RORA: variants seen among roughly 807,000 people sequenced by gnomAD.
RORA encodes nuclear receptor ROR-alpha.
In RORA, 7 loss-of-function variants were observed where a neutral mutation model predicts 69.5. That is an observed-to-expected ratio of 0.10 (90% CI 0.06 to 0.19). The LOEUF (loss-of-function observed/expected upper bound fraction) is 0.19, where lower values mean the gene tolerates loss of function less well. Among genes scored for constraint, RORA ranks in the 10% least tolerant of loss-of-function variants. RORA has a pLI of 1.00. For synonymous variants in RORA, 261 were observed against 240.8 expected (o/e 1.08, Z -0.78); for missense variants, 457 against 663.0 (o/e 0.69, Z 3.41).
At chr15:60,871,900 C>T (rs1213476210) in intron 1 of RORA, among the ~76,000 whole-genome samples, 1 of 152,174 alleles carries the variant, frequency 6.6e-6, no homozygotes, top group Non-Finnish European at 1.5e-5. Context: ...TGAGTTTTGG[C>T]AAATGAATCA....
intron 1 of RORA, among the ~76,000 whole-genome samples, chr15:60,908,551 G>A (rs2899664): frequency 0.35 from 53,464 of 151,992 alleles, 9,679 homozygotes; most frequent in South Asian, 0.46. Context: ...GGAAGCTACA[G>A]TAAATGGAAA....
chr15:60,565,937 C>A (rs79869085), intron 2 of RORA, among the ~76,000 whole-genome samples: 1,838 of 152,262 alleles, frequency 0.012, 40 homozygotes, highest in African/African-American at 0.042. Context: ...TTCTTGCCCA[C>A]CTACACTCTT....
At chr15:60,656,475 T>G (rs1355254644) in intron 2 of RORA, among the ~76,000 whole-genome samples, 1 of 152,080 alleles carries the variant, frequency 6.6e-6, no homozygotes, top group Non-Finnish European at 1.5e-5. Context: ...AAGACAGGTA[T>G]GGATTAAAAA....
chr15:60,662,381 A>G (rs187044239), intron 2 of RORA, among the ~76,000 whole-genome samples: 12 of 152,366 alleles, frequency 7.9e-5, no homozygotes, highest in African/African-American at 1.4e-4. Context: ...ACAGTAGCAA[A>G]CTGTCAAAAT....
intron 1 of RORA, among the ~76,000 whole-genome samples, chr15:61,029,109 A>T (rs939341494): frequency 3.3e-5 from 5 of 152,058 alleles, no homozygotes; most frequent in African/African-American, 1.2e-4. Context: ...ACACTGAATT[A>T]TACACTCTAG....
intron 1 of RORA, among the ~76,000 whole-genome samples, chr15:60,851,430 G>C (rs1363308046): frequency 6.6e-6 from 1 of 152,168 alleles, no homozygotes; most frequent in Non-Finnish European, 1.5e-5. Context: ...GGGGTTGCAT[G>C]TGTTGGCAGC....
At chr15:60,978,721 A>G (rs1893946228) in intron 1 of RORA, among the ~76,000 whole-genome samples, 1 of 152,142 alleles carries the variant, frequency 6.6e-6, no homozygotes, top group Admixed American at 6.5e-5. Flanking sequence ...TAAGGGTCCA[A>G]CATTATTCTT....
At position 60,702,071 on chromosome 15, in the gene RORA, G is replaced by C. The variant is rs115592898; in HGVS notation, c.167-23385C>G. 3.8e-3 allele frequency among the ~76,000 whole-genome samples: 586 copies of C among 152,310 alleles called. 4 individuals carry two copies. The highest frequency in any genetic ancestry group is 0.013 in the African/African-American group (560 of 41,560). On this transcript the variant is annotated intron_variant, in intron 1 of 10. Coordinates refer to ENST00000335670, the MANE Select transcript of RORA (RefSeq NM_134261.3). The stretch of plus-strand genomic sequence containing the variant: ...AGAGGTAGTTTAGGATTATAGCTGA[G>C]AGCACAGGCAGATGATGGAGTTTGA...
In RORA at chr15:60,790,980, C is replaced by T. The variant is rs193247092; in HGVS notation, c.167-112294G>A. ...CTAGAAACGCCCCCCCATTGCCCCCCCAAAAAGCTTCAAAATCCAGGACTG... is the reference window on the plus strand; with the variant it reads ...CTAGAAACGCCCCCCCATTGCCCCCTCAAAAAGCTTCAAAATCCAGGACTG... On this transcript the variant is annotated intron_variant, in intron 1 of 10. Transcript: ENST00000335670. Among the ~76,000 whole-genome samples the T allele has an allele frequency of 2.0e-5, 3 of 152,120 alleles. No homozygotes were observed. In the South Asian group the frequency reaches 6.2e-4, roughly 32 times the overall value.
Position 60,497,400 on chromosome 15 carries a change from G to C in RORA, c.*55C>G. The C allele has an allele frequency of 1.3e-6, 2 of 1,534,336 alleles. No individual in the cohort carries two copies. The highest frequency in any genetic ancestry group is 1.8e-6 in the Non-Finnish European group (2 of 1,113,674). On this transcript the variant is annotated 3_prime_UTR_variant, in exon 11 of 11. Transcript: ENST00000335670. ...ATAAAGTGTCTCGGTTAATTTTTTT[G>C]TTTGTTTTTCATGTTTGTACTTCAG...
At chr15:60,824,605 G>A (rs1474800413) in intron 1 of RORA, among the ~76,000 whole-genome samples, 6 of 152,154 alleles carry the variant, frequency 3.9e-5, no homozygotes, top group East Asian at 1.9e-4. Context: ...ACAGCTGTGC[G>A]ACTATGGACA....
At position 60,939,077 on chromosome 15, in the gene RORA, C is replaced by A. The variant is rs571159755; in HGVS notation, c.167-260391G>T. ...ACTTGCTACGTCCTGTAGCCATCTT[C>A]CTCTCTCAGACCTCTTCCCTCGGCA... On this transcript the variant is annotated intron_variant, in intron 1 of 10. Transcript: ENST00000335670. 2.9e-4 allele frequency among the ~76,000 whole-genome samples: 44 copies of A among 152,356 alleles called. No homozygotes were observed. In the South Asian group the frequency reaches 9.1e-3, roughly 32 times the overall value.
intron 1 of RORA, among the ~76,000 whole-genome samples, chr15:60,709,096 G>A (rs1325252608): frequency 1.3e-5 from 2 of 152,106 alleles, no homozygotes; most frequent in Non-Finnish European, 2.9e-5. Flanking sequence ...CCTTCCTCCA[G>A]GCCTACACAT....
At chr15:60,915,973 C>T (rs1277517548) in intron 1 of RORA, among the ~76,000 whole-genome samples, 2 of 152,214 alleles carry the variant, frequency 1.3e-5, no homozygotes, top group Non-Finnish European at 2.9e-5. Context: ...AGAAAAAGTT[C>T]ATAAAACAGC....
At chr15:61,115,076 T>C (rs1363959003) in intron 1 of RORA, among the ~76,000 whole-genome samples, 1 of 152,188 alleles carries the variant, frequency 6.6e-6, no homozygotes, top group Non-Finnish European at 1.5e-5. Flanking sequence ...GGCAGGAGTC[T>C]GTGGCTTCCT....
intron 1 of RORA, among the ~76,000 whole-genome samples, chr15:60,773,465 G>A (rs1317547957): frequency 6.6e-6 from 1 of 152,066 alleles, no homozygotes; most frequent in East Asian, 1.9e-4. Context: ...TCACAGCTGA[G>A]TTATGAACTT....
intron 1 of RORA, among the ~76,000 whole-genome samples, chr15:60,856,823 A>G (rs1404014786): frequency 2.0e-5 from 3 of 152,216 alleles, no homozygotes; most frequent in Non-Finnish European, 2.9e-5. Flanking sequence ...GTTGGTAAGG[A>G]CAGAGAGGGA....
intron 1 of RORA, among the ~76,000 whole-genome samples, chr15:60,974,349 T>C (rs1253834299): frequency 6.6e-6 from 1 of 152,176 alleles, no homozygotes; most frequent in African/African-American, 2.4e-5. Flanking sequence ...AGCACCCCCT[T>C]GCCAGCTCAT....
At chr15:60,816,020 A>T (rs1287095464) in intron 1 of RORA, among the ~76,000 whole-genome samples, 18 of 53,962 alleles carry the variant, frequency 3.3e-4, no homozygotes, top group East Asian at 1.0e-3. Flanking sequence ...AAGTATTTAT[A>T]TACTATATAT....
Sources: gnomAD v4.1 joint callset for allele counts (sites outside exome capture counted in the v4.1 genomes callset) on GRCh38, gnomAD v4.1.1 for gene constraint, MANE v1.5 for transcripts, NCBI Gene and HGNC (gene_info 2026-07-23, HGNC 2026-07-21) for gene names.